The following NUP93 variants were observed in gnomAD, a reference collection of about 807,000 sequenced individuals.
The protein encoded by NUP93 is nucleoporin 93, also known as nuclear pore complex protein Nup93.
NUP93 carries 55 observed loss-of-function variants against 107.8 expected under a neutral mutation model. The ratio of observed to expected loss-of-function variants is 0.51; its 90% CI spans 0.41 to 0.64. The LOEUF is 0.64. Ranked by LOEUF, NUP93 falls within the 30% of genes least tolerant of loss-of-function variation. The pLI is 0.00. For synonymous variants in NUP93, 390 were observed against 397.5 expected, an observed-to-expected ratio of 0.98 and a Z score of 0.22; for missense variants, 937 against 1,044.7, an observed-to-expected ratio of 0.90 and a Z score of 1.42.
chr16:56,760,699 A>T (rs1170138506), intron 3 of NUP93, among the ~76,000 whole-genome samples: 1 of 152,178 alleles, frequency 6.6e-6, no homozygotes, highest in Non-Finnish European at 1.5e-5. Context: ...GTCACCTCCC[A>T]CCAGGCCCCA....
At chr16:56,753,012 A>G (rs1961951711) in intron 2 of NUP93, among the ~76,000 whole-genome samples, 1 of 152,222 alleles carries the variant, frequency 6.6e-6, no homozygotes, top group Admixed American at 6.5e-5. Flanking sequence ...TTGATCATCA[A>G]TTAGGATAAT....
chr16:56,770,157 A>G (rs1202743524), intron 3 of NUP93, among the ~76,000 whole-genome samples: 1 of 152,224 alleles, frequency 6.6e-6, no homozygotes, highest in East Asian at 1.9e-4. Flanking sequence ...TCAGGAAGAG[A>G]AGACTAAGCA....
intron 4 of NUP93, among the ~76,000 whole-genome samples, chr16:56,805,035 T>C (rs1277166575): frequency 2.0e-5 from 3 of 152,204 alleles, no homozygotes; most frequent in Non-Finnish European, 4.4e-5. Flanking sequence ...AGATAAGGTC[T>C]TGCTCTGTTG....
intron 5 of NUP93, among the ~76,000 whole-genome samples, chr16:56,806,219 C>G (rs1003831471): frequency 2.0e-5 from 3 of 151,534 alleles, no homozygotes; most frequent in African/African-American, 7.3e-5. Flanking sequence ...GATCAGACAC[C>G]TCAGCCTCAC....
At chr16:56,748,053 A>G (rs73555556) in intron 1 of NUP93, 181 bp from the exon 2 acceptor site, 11,682 of 455,390 alleles carry the variant, frequency 0.026, 199 homozygotes, top group South Asian at 0.05. Context: ...AGCCTGACTC[A>G]TTTTCTCTGT....
Position 56,773,949 on chromosome 16 carries a change from A to T in NUP93, c.297+15294A>T, listed in dbSNP as rs192883531. 9.8e-5 allele frequency among the ~76,000 whole-genome samples: 15 copies of T among 152,366 alleles called. No homozygotes were observed. In the East Asian group the frequency reaches 2.9e-3, roughly 29 times the overall value. ...TGCTTCATCAAGGACATAGTGTTCA[A>T]TATAATATATGTTTAAAACATATAT... On this transcript the variant is annotated intron_variant, in intron 3 of 21. Transcript: ENST00000308159.
intron 9 of NUP93, 56 bp downstream of exon 9, chr16:56,829,165 A>T: frequency 6.4e-7 from 1 of 1,569,172 alleles, no homozygotes; most frequent in Non-Finnish European, 8.6e-7. Flanking sequence ...TTGCCCTCAG[A>T]TGGGCATTTT....
intron 2 of NUP93, 85 bp from the exon 3 acceptor site, chr16:56,758,453 G>T: frequency 1.0e-6 from 1 of 972,614 alleles, no homozygotes; most frequent in Non-Finnish European, 1.7e-6. Context: ...ATGCTCTCTA[G>T]TATTTGATGA....
intron 3 of NUP93, among the ~76,000 whole-genome samples, chr16:56,796,180 C>T (rs1217709311): frequency 1.3e-5 from 2 of 152,220 alleles, no homozygotes; most frequent in African/African-American, 2.4e-5. Context: ...GAACAGAATA[C>T]ACTAATGTGC....
intron 2 of NUP93, among the ~76,000 whole-genome samples, chr16:56,755,031 C>T (rs1961994021): frequency 6.6e-6 from 1 of 152,158 alleles, no homozygotes; most frequent in South Asian, 2.1e-4. Context: ...TTATACCTTG[C>T]TGGTGGGAAT....
At chr16:56,803,671 C>T (rs907496163) in intron 4 of NUP93, among the ~76,000 whole-genome samples, 18 of 151,836 alleles carry the variant, frequency 1.2e-4, no homozygotes, top group African/African-American at 3.6e-4. Flanking sequence ...TTAATCATTA[C>T]GGGAACATAA....
At position 56,836,702 on chromosome 16, in the gene NUP93, G is replaced by T. The variant is rs1396926038; in HGVS notation, c.1884G>T (p.Leu628=). The change falls in exon 17 of 22, where the codon CTG becomes CTT. Residue 628 remains leucine (L), a synonymous_variant. Transcript: ENST00000308159. ...NKGLFEEAAK[L]YDLAKNADKV... is the part of the protein sequence containing the mutation. Reference sequence around the variant, plus strand: ...GACTGTTTGAAGAGGCAGCAAAGCTGTATGACCTTGCCAAGGTAAAGTGTG... The same window carrying T: ...GACTGTTTGAAGAGGCAGCAAAGCTTTATGACCTTGCCAAGGTAAAGTGTG... 6.2e-7 allele frequency: 1 copy of T among 1,612,122 alleles called. No individual in the cohort carries two copies. Among genetic ancestry groups the T allele is most frequent in the South Asian group, 1.1e-5 (1 of 90,874 alleles).
chr16:56,799,111 T>C (rs965657510), intron 4 of NUP93, among the ~76,000 whole-genome samples: 4 of 152,052 alleles, frequency 2.6e-5, no homozygotes, highest in African/African-American at 9.7e-5. Context: ...GACCAGAAAA[T>C]TAGTGGTTTC....
At chr16:56,805,439 G>C in intron 4 of NUP93, 65 bp from the exon 5 acceptor site, 1 of 1,579,584 alleles carries the variant, frequency 6.3e-7, no homozygotes, top group Non-Finnish European at 8.6e-7. Context: ...GTTTCTGTTG[G>C]GTCTTAAACC....
At chr16:56,809,956 G>C (rs944677996) in intron 5 of NUP93, among the ~76,000 whole-genome samples, 3 of 152,208 alleles carry the variant, frequency 2.0e-5, no homozygotes, top group Admixed American at 2.0e-4. Context: ...CAAATAATTA[G>C]AACAGCTCAT....
chr16:56,838,110 G>A (rs183819229), intron 18 of NUP93, among the ~76,000 whole-genome samples: 277 of 152,258 alleles, frequency 1.8e-3, no homozygotes, highest in Non-Finnish European at 2.9e-3. Flanking sequence ...GAGGTGTCGT[G>A]GCCAGTGTTT....
At chr16:56,748,098 C>G (rs1041005179) in intron 1 of NUP93, 136 bp from the exon 2 acceptor site, 1 of 566,146 alleles carries the variant, frequency 1.8e-6, no homozygotes, top group East Asian at 2.9e-5. Flanking sequence ...AGGAACAAAT[C>G]CTGCTTGTTG....
At position 56,845,674 on chromosome 16, in the gene NUP93, C is replaced by T. The variant is rs1964108307; in HGVS notation, c.*1065C>T. ...CCTTGAGACAGTGGGCAGTGGTCTG[C>T]TCTGCTGGTTTGATGGACGGCTCCC... is the stretch of plus-strand genomic sequence containing the variant. On this transcript the variant is annotated 3_prime_UTR_variant, in exon 22 of 22. Coordinates refer to ENST00000308159, the MANE Select transcript of NUP93 (RefSeq NM_014669.5). 6.6e-6 allele frequency: 1 copy of T among 152,184 alleles called. No individual in the cohort carries two copies. Among genetic ancestry groups the T allele is most frequent in the Non-Finnish European group, 1.5e-5 (1 of 68,032 alleles). 9.4% of individuals were successfully genotyped at this position (152,184 alleles called of 1,614,324 possible).
At chr16:56,819,232 A>AG (rs1293411973) in intron 6 of NUP93, among the ~76,000 whole-genome samples, 1 of 152,232 alleles carries the variant, frequency 6.6e-6, no homozygotes, top group Non-Finnish European at 1.5e-5. Flanking sequence ...GTTGTAGATG[A>AG]GGACCGCCCA....
Sources: allele counts gnomAD v4.1 joint callset (sites outside exome capture counted in the v4.1 genomes callset), GRCh38; gene constraint gnomAD v4.1.1; transcripts MANE v1.5; gene names NCBI Gene and HGNC (gene_info 2026-07-23, HGNC 2026-07-21).